Variants in CCSER1 observed in about 807,000 individuals in gnomAD.
CCSER1 encodes coiled-coil serine rich protein 1, also known as serine-rich coiled-coil domain-containing protein 1.
CCSER1 carries 41 observed loss-of-function variants against 82.0 expected under a neutral mutation model. The observed-to-expected ratio is 0.50, with a 90% confidence interval of 0.39 to 0.65. The LOEUF is 0.65. Ranked by LOEUF, CCSER1 falls within the 30% of genes least tolerant of loss-of-function variation. CCSER1 has a pLI of 0.00. For missense variants in CCSER1, 1,119 were observed against 1,064.2 expected, an observed-to-expected ratio of 1.05 and a Z score of -0.72; for synonymous variants, 414 against 383.9, an observed-to-expected ratio of 1.08 and a Z score of -0.92.
intron 10 of CCSER1, among the ~76,000 whole-genome samples, chr4:91,366,931 T>G (rs2149318875): frequency 6.6e-6 from 1 of 152,222 alleles, no homozygotes; most frequent in East Asian, 1.9e-4. Context: ...TGTTGTACTT[T>G]TTTTGAAATT....
intron 5 of CCSER1, among the ~76,000 whole-genome samples, chr4:90,523,549 A>G (rs1162736763): frequency 1.3e-5 from 2 of 152,182 alleles, no homozygotes; most frequent in East Asian, 1.9e-4. Context: ...TGATATTAAT[A>G]TAATCACAAA....
At chr4:90,975,837 A>G (rs927319345) in intron 9 of CCSER1, among the ~76,000 whole-genome samples, 3 of 151,246 alleles carry the variant, frequency 2.0e-5, no homozygotes, top group Admixed American at 6.6e-5. Flanking sequence ...ATTTTTTCTA[A>G]TACAAAATAC....
intron 10 of CCSER1, among the ~76,000 whole-genome samples, chr4:91,165,329 G>A (rs1731920762): frequency 6.6e-6 from 1 of 152,182 alleles, no homozygotes; most frequent in Admixed American, 6.5e-5. Flanking sequence ...TGGAAGCTTT[G>A]TCCCAGAGGG....
chr4:91,224,315 C>A (rs1737985525), intron 10 of CCSER1, among the ~76,000 whole-genome samples: 1 of 151,942 alleles, frequency 6.6e-6, no homozygotes, highest in South Asian at 2.1e-4. Flanking sequence ...AGAAAGAAAA[C>A]AAAATTGTAA....
In CCSER1 at chr4:90,967,032, G is replaced by A. The variant is rs115216860; in HGVS notation, c.2172+43585G>A. 3.9e-5 allele frequency among the ~76,000 whole-genome samples: 6 copies of A among 151,988 alleles called. 1 individual carries two copies. Among genetic ancestry groups the A allele is most frequent in the African/African-American group, 1.5e-4 (6 of 41,294 alleles). ...AAGCTAAAATAATCAAGGGAGTGTGGTACTGGCATAAGGTCAGAGAGATTG... is the reference window on the plus strand; with the variant it reads ...AAGCTAAAATAATCAAGGGAGTGTGATACTGGCATAAGGTCAGAGAGATTG... On this transcript the variant is annotated intron_variant, in intron 9 of 10. Coordinates refer to ENST00000509176, the MANE Select transcript of CCSER1 (RefSeq NM_001145065.2).
intron 5 of CCSER1, among the ~76,000 whole-genome samples, chr4:90,512,225 GTC>G (rs1218251021): frequency 1.3e-5 from 2 of 150,882 alleles, no homozygotes; most frequent in Admixed American, 1.3e-4. Flanking sequence ...TCCTTTCACT[GTC>G]TCTACTCCAT....
chr4:90,421,542 T>C (rs1756689962), intron 4 of CCSER1, among the ~76,000 whole-genome samples: 1 of 152,192 alleles, frequency 6.6e-6, no homozygotes, highest in Non-Finnish European at 1.5e-5. Context: ...TTCTGGTAGT[T>C]TTCTGTAGAG....
intron 10 of CCSER1, among the ~76,000 whole-genome samples, chr4:91,480,113 G>C (rs572769190): frequency 6.6e-6 from 1 of 150,694 alleles, no homozygotes; most frequent in Non-Finnish European, 1.5e-5. Flanking sequence ...TGGTGTATAT[G>C]TGCCACATTT....
chr4:91,011,511 TC>T (rs2150503129), intron 9 of CCSER1, among the ~76,000 whole-genome samples: 1 of 133,994 alleles, frequency 7.5e-6, no homozygotes, highest in East Asian at 2.4e-4. Context: ...AGATTCCCTC[TC>T]TGATGCAGAG....
At chr4:90,781,804 T>C (rs1200917522) in intron 7 of CCSER1, 2 of 958,324 alleles carry the variant, frequency 2.1e-6, no homozygotes, top group African/African-American at 1.8e-5. Context: ...TGATAACTTT[T>C]ATGTTTGCCT....
At chr4:90,901,560 T>C (rs1724656867) in intron 8 of CCSER1, among the ~76,000 whole-genome samples, 1 of 152,120 alleles carries the variant, frequency 6.6e-6, no homozygotes. Flanking sequence ...TTGAAGGATA[T>C]AAATTCTTGG....
At chr4:91,348,255 T>C (rs562834845) in intron 10 of CCSER1, among the ~76,000 whole-genome samples, 19 of 152,302 alleles carry the variant, frequency 1.2e-4, no homozygotes, top group African/African-American at 4.6e-4. Context: ...TTCTCTTATT[T>C]AGCCCGTTGA....
chr4:90,998,815 G>T (rs1737739638), intron 9 of CCSER1, among the ~76,000 whole-genome samples: 1 of 151,816 alleles, frequency 6.6e-6, no homozygotes, highest in Admixed American at 6.6e-5. Context: ...TTTGGGGTAT[G>T]AATGATCCCA....
chr4:90,954,787 ACT>A (rs1213159854), intron 9 of CCSER1, among the ~76,000 whole-genome samples: 6 of 62,004 alleles, frequency 9.7e-5, no homozygotes, highest in Admixed American at 6.4e-4. Flanking sequence ...CAGTACATTT[ACT>A]AAAAAAAAAT....
chr4:90,391,272 C>CAAAAA (rs1215360899), intron 3 of CCSER1, among the ~76,000 whole-genome samples: 62 of 34,376 alleles, frequency 1.8e-3, no homozygotes, highest in African/African-American at 4.0e-3. Flanking sequence ...GACTCTGTCT[C>CAAAAA]AAAAAAAAAA....
intron 9 of CCSER1, among the ~76,000 whole-genome samples, chr4:90,945,862 T>C (rs920789805): frequency 6.6e-6 from 1 of 152,198 alleles, no homozygotes; most frequent in Non-Finnish European, 1.5e-5. Context: ...TCTAAAAGTT[T>C]TACATATTTT....
At chr4:91,191,247 A>ATT (rs1734967981) in intron 10 of CCSER1, among the ~76,000 whole-genome samples, 1 of 152,116 alleles carries the variant, frequency 6.6e-6, no homozygotes, top group African/African-American at 2.4e-5. Context: ...ACATAGGCCC[A>ATT]GTGTCATTAA....
At chr4:90,435,997 A>C (rs1758946761) in intron 4 of CCSER1, among the ~76,000 whole-genome samples, 1 of 152,120 alleles carries the variant, frequency 6.6e-6, no homozygotes, top group South Asian at 2.1e-4. Flanking sequence ...TAAATGGCGT[A>C]TAATGTTCCC....
Position 90,343,445 on chromosome 4 carries a change from C to T in CCSER1, c.1509+30398C>T, listed in dbSNP as rs529957894. On this transcript the variant is annotated intron_variant, in intron 3 of 10. Transcript: ENST00000509176. ...CAGCCTGGCCGACACGGTGAAACCC[C>T]GTCTCTACTGAAAATACAAAAATTA... Among the ~76,000 whole-genome samples, 17 of 152,082 alleles carry T rather than the reference C, an allele frequency of 1.1e-4. No homozygotes were observed. The South Asian group carries it at 2.7e-3, about 24-fold the overall frequency.
Sources: allele counts gnomAD v4.1 joint callset (sites outside exome capture counted in the v4.1 genomes callset), GRCh38; gene constraint gnomAD v4.1.1; transcripts MANE v1.5; gene names NCBI Gene and HGNC (gene_info 2026-07-23, HGNC 2026-07-21).